TENM2: variants seen among roughly 807,000 people sequenced by gnomAD.
TENM2 encodes the protein teneurin transmembrane protein 2, also known as teneurin-2.
Under a neutral mutation model 245.2 loss-of-function variants are expected in TENM2, and 52 were observed. That is an observed-to-expected ratio of 0.21 (90% CI 0.17 to 0.27). The LOEUF (loss-of-function observed/expected upper bound fraction) is 0.27, where lower values mean the gene tolerates loss of function less well. Ranked by LOEUF, TENM2 falls within the 10% of genes least tolerant of loss-of-function variation. The pLI, the probability that TENM2 is intolerant of heterozygous loss-of-function variation, is 1.00. For missense variants in TENM2, 3,046 were observed against 3,666.8 expected (o/e 0.83, Z 4.37); for synonymous variants, 1,363 against 1,438.9 (o/e 0.95, Z 1.19).
At chr5:168,195,375 C>T in intron 15 of TENM2, 80 bp downstream of exon 17, 1 of 1,496,612 alleles carries the variant, frequency 6.7e-7, no homozygotes. Flanking sequence ...TGGCTTGGAA[C>T]CACAGGATTC....
chr5:168,050,719 C>T (rs1175851180), intron 6 of TENM2, among the ~76,000 whole-genome samples: 1 of 152,224 alleles, frequency 6.6e-6, no homozygotes, highest in African/African-American at 2.4e-5. Context: ...GTCTAATAGA[C>T]AGGGCAGCCT....
At chr5:167,242,167 A>G in the TENM2 span, among the ~76,000 whole-genome samples, 1 of 150,952 alleles carries the variant, frequency 6.6e-6, no homozygotes, top group East Asian at 1.9e-4. Context: ...CTCCTGCCTC[A>G]GCCTCCTGAG....
intron 2 of TENM2, among the ~76,000 whole-genome samples, chr5:167,692,201 C>G (rs1276066515): frequency 6.6e-6 from 1 of 152,158 alleles, no homozygotes; most frequent in Non-Finnish European, 1.5e-5. Context: ...GCCCTGTTCA[C>G]AAGTTGTTCT....
chr5:167,309,503 AC>A (rs1755890176), intron 1 of TENM2, among the ~76,000 whole-genome samples: 1 of 152,184 alleles, frequency 6.6e-6, no homozygotes, highest in Non-Finnish European at 1.5e-5. Flanking sequence ...CAAAGCTCAA[AC>A]CAAGATGAAC....
intron 2 of TENM2, among the ~76,000 whole-genome samples, chr5:167,608,519 C>A (rs562696865): frequency 1.6e-3 from 251 of 152,352 alleles, no homozygotes; most frequent in African/African-American, 5.6e-3. Flanking sequence ...ATTGCTATCA[C>A]AGCACGTTTG....
At chr5:167,252,156 A>T in the TENM2 span, among the ~76,000 whole-genome samples, 8 of 152,106 alleles carry the variant, frequency 5.3e-5, no homozygotes, top group Admixed American at 5.2e-4. Context: ...AAAAGAGAAG[A>T]GCTTAGAGGG....
chr5:167,343,171 C>A (rs1238169178), intron 1 of TENM2, among the ~76,000 whole-genome samples: 1 of 152,124 alleles, frequency 6.6e-6, no homozygotes, highest in East Asian at 1.9e-4. Flanking sequence ...ATACACCCAT[C>A]ATTGTGGGGT....
In TENM2 at chr5:167,584,698, CTT is replaced by C. The variant is rs35436525; in HGVS notation, c.502+209238_502+209239del. 3.9e-3 allele frequency among the ~76,000 whole-genome samples: 553 copies of C among 143,146 alleles called. 6 individuals carry two copies. The highest frequency in any genetic ancestry group is 0.012 in the African/African-American group (472 of 39,052). The allele number at this position is 143,146 out of a possible 152,430, so 93.9% of individuals were successfully genotyped here. On this transcript the variant is annotated intron_variant, in intron 2 of 28. Transcript: ENST00000518659. ...TCACACCTAAGCTTTCTTTACTTTT[CTT>C]TTTTTTTTTTTTCAGACGGAGTCTC...
At chr5:167,896,000 TTAGTC>T (rs1319601951) in intron 3 of TENM2, among the ~76,000 whole-genome samples, 5 of 152,140 alleles carry the variant, frequency 3.3e-5, no homozygotes, top group African/African-American at 1.2e-4. Context: ...TAAGGGTACT[TTAGTC>T]TAGTTAATGG....
intron 12 of TENM2, among the ~76,000 whole-genome samples, chr5:168,160,115 TC>T (rs1324917835): frequency 6.6e-6 from 1 of 152,242 alleles, no homozygotes; most frequent in Admixed American, 6.5e-5. Context: ...TAGTGTATTT[TC>T]CGTGATCCAT....
intron 2 of TENM2, among the ~76,000 whole-genome samples, chr5:167,711,942 T>G (rs539082698): frequency 1.3e-5 from 2 of 152,364 alleles, no homozygotes; most frequent in East Asian, 3.9e-4. Context: ...CAAATTATTT[T>G]TAATACATTG....
chr5:167,066,383 G>C, the TENM2 span, among the ~76,000 whole-genome samples: 1 of 152,050 alleles, frequency 6.6e-6, no homozygotes, highest in African/African-American at 2.4e-5. Flanking sequence ...GAGATGATGA[G>C]AATTTTTTTT....
At chr5:167,150,834 G>A in the TENM2 span, among the ~76,000 whole-genome samples, 1 of 152,152 alleles carries the variant, frequency 6.6e-6, no homozygotes, top group Non-Finnish European at 1.5e-5. Context: ...GCACAATTAT[G>A]TTCAATATAA....
chr5:167,478,988 A>G (rs1366847797), intron 2 of TENM2, among the ~76,000 whole-genome samples: 3 of 22,348 alleles, frequency 1.3e-4, no homozygotes, highest in Admixed American at 9.7e-4. Context: ...TACTTTATAT[A>G]TATGTGTGTG....
At chr5:167,359,878 A>T (rs1388697936) in intron 1 of TENM2, among the ~76,000 whole-genome samples, 1 of 152,210 alleles carries the variant, frequency 6.6e-6, no homozygotes, top group Non-Finnish European at 1.5e-5. Context: ...AGGATCATGG[A>T]TAGAGCTAGA....
intron 2 of TENM2, among the ~76,000 whole-genome samples, chr5:167,778,175 G>A (rs1251586567): frequency 6.6e-6 from 1 of 152,184 alleles, no homozygotes; most frequent in Non-Finnish European, 1.5e-5. Context: ...AAAGCTTGGT[G>A]AGCTAAAGAA....
At chr5:167,610,759 G>T (rs1777428619) in intron 2 of TENM2, among the ~76,000 whole-genome samples, 1 of 152,108 alleles carries the variant, frequency 6.6e-6, no homozygotes, top group African/African-American at 2.4e-5. Flanking sequence ...GATCAGGCTG[G>T]TTCATTTCCA....
At chr5:167,647,246 C>T (rs376357132) in intron 2 of TENM2, among the ~76,000 whole-genome samples, 5 of 152,064 alleles carry the variant, frequency 3.3e-5, no homozygotes, top group Non-Finnish European at 7.4e-5. Context: ...GATGGATCCA[C>T]GGTGGGGTTA....
At chr5:167,683,260 TCCC>T (rs113505215) in intron 2 of TENM2, among the ~76,000 whole-genome samples, 50,575 of 147,662 alleles carry the variant, frequency 0.34, 10,519 homozygotes, top group African/African-American at 0.58. Context: ...TTTTTTTTTT[TCCC>T]CCCCTGGGCA....
Sources: allele counts gnomAD v4.1 joint callset (sites outside exome capture counted in the v4.1 genomes callset), GRCh38; gene constraint gnomAD v4.1.1; transcripts MANE v1.5; gene names NCBI Gene and HGNC (gene_info 2026-07-23, HGNC 2026-07-21).